Variants in RLIG1 observed in about 807,000 individuals in gnomAD.
RLIG1 encodes RNA ligase 1.
the RLIG1 span, chr12:88,045,575 A>G: frequency 3.1e-6 from 5 of 1,599,686 alleles, no homozygotes; most frequent in South Asian, 2.2e-5. Context: ...TCTTCTTTAT[A>G]TGATAGGTTG....
the RLIG1 span, chr12:88,035,896 C>A: frequency 6.6e-7 from 1 of 1,504,314 alleles, no homozygotes; most frequent in Non-Finnish European, 8.8e-7. Flanking sequence ...GGTGGGAGTT[C>A]CGTACGCCCT....
At chr12:88,048,347 G>A in the RLIG1 span, 1 of 1,601,578 alleles carries the variant, frequency 6.2e-7, no homozygotes, top group Non-Finnish European at 8.5e-7. Context: ...TTGATATTAA[G>A]TGTTTGTTTA....
the RLIG1 span, chr12:88,047,114 A>T: frequency 1.2e-6 from 1 of 847,642 alleles, no homozygotes; most frequent in Non-Finnish European, 1.8e-6. Context: ...CATCCCATGT[A>T]CCACCATTTT....
chr12:88,036,065 C>A, the RLIG1 span: 1 of 1,398,938 alleles, frequency 7.1e-7, no homozygotes, highest in Non-Finnish European at 9.4e-7. Context: ...GGGGAAACCC[C>A]CTAATCAGGT....
At chr12:88,035,854 G>C in the RLIG1 span, 1 of 1,527,376 alleles carries the variant, frequency 6.5e-7, no homozygotes. Context: ...TGCAGGCCAG[G>C]AACCTCTGTA....
chr12:88,043,107 ACTT>A, the RLIG1 span, among the ~76,000 whole-genome samples: 2 of 152,026 alleles, frequency 1.3e-5, no homozygotes, highest in East Asian at 3.9e-4. Context: ...AATATTTGTC[ACTT>A]CTTTATAGTA....
the RLIG1 span, among the ~76,000 whole-genome samples, chr12:88,038,979 T>G: frequency 6.6e-6 from 1 of 152,132 alleles, no homozygotes; most frequent in African/African-American, 2.4e-5. Flanking sequence ...TTTTGGCTCT[T>G]AAAGAAACTT....
chr12:88,049,317 T>G, the RLIG1 span: 1 of 1,592,136 alleles, frequency 6.3e-7, no homozygotes. Flanking sequence ...AATATTCTTC[T>G]TCACTTCTTC....
chr12:88,043,312 G>A, the RLIG1 span, among the ~76,000 whole-genome samples: 1 of 151,868 alleles, frequency 6.6e-6, no homozygotes. Flanking sequence ...GTTTATATTT[G>A]TATTCATAGT....
the RLIG1 span, chr12:88,041,672 C>T: frequency 1.3e-5 from 2 of 152,046 alleles, no homozygotes; most frequent in African/African-American, 4.8e-5. Flanking sequence ...TTTATGTTTA[C>T]TGGTAAAAAA....
At chr12:88,042,913 C>T in the RLIG1 span, 1 of 1,550,444 alleles carries the variant, frequency 6.4e-7, no homozygotes, top group Non-Finnish European at 8.7e-7. Context: ...CAAAAGAAAA[C>T]CCAAAAGGTT....
the RLIG1 span, among the ~76,000 whole-genome samples, chr12:88,039,287 C>G: frequency 6.6e-6 from 1 of 152,104 alleles, no homozygotes; most frequent in Non-Finnish European, 1.5e-5. Context: ...TGCTAAGACT[C>G]CTTATGAACC....
At chr12:88,048,320 C>T in the RLIG1 span, 1 of 1,606,228 alleles carries the variant, frequency 6.2e-7, no homozygotes, top group Non-Finnish European at 8.5e-7. Flanking sequence ...TGAACCTGAA[C>T]AAATGTGACT....
chr12:88,039,798 T>G, the RLIG1 span, among the ~76,000 whole-genome samples: 1 of 152,190 alleles, frequency 6.6e-6, no homozygotes, highest in Non-Finnish European at 1.5e-5. Context: ...CCTCTGTATT[T>G]CCAGTGCTGA....
chr12:88,035,572 C>CTT, the RLIG1 span: 1 of 1,455,566 alleles, frequency 6.9e-7, no homozygotes, highest in Non-Finnish European at 9.4e-7. Flanking sequence ...CGGGTGACTG[C>CTT]TTCAGGGCTT....
chr12:88,048,607 T>C, the RLIG1 span: 1 of 422,774 alleles, frequency 2.4e-6, no homozygotes, highest in East Asian at 4.3e-5. Flanking sequence ...TTAATTTTAA[T>C]CTCTAGCCAT....
At chr12:88,045,867 T>C in the RLIG1 span, 4 of 991,888 alleles carry the variant, frequency 4.0e-6, no homozygotes, top group Non-Finnish European at 6.0e-6. Context: ...ATACACACAC[T>C]AAAGAAATGA....
At chr12:88,042,886 T>A in the RLIG1 span, 1 of 1,573,502 alleles carries the variant, frequency 6.4e-7, no homozygotes, top group Non-Finnish European at 8.6e-7. Flanking sequence ...AAAAAAGATT[T>A]AAAAATTTTC....
At chr12:88,035,742 C>T in the RLIG1 span, 1 of 1,590,500 alleles carries the variant, frequency 6.3e-7, no homozygotes, top group Non-Finnish European at 8.6e-7. Context: ...GCATCAGGTA[C>T]GGAGGAGCGC....
Sources: gnomAD v4.1 joint callset for allele counts (sites outside exome capture counted in the v4.1 genomes callset) on GRCh38, gnomAD v4.1.1 for gene constraint, MANE v1.5 for transcripts, NCBI Gene and HGNC (gene_info 2026-07-23, HGNC 2026-07-21) for gene names.